Variants in TTN observed in about 807,000 individuals in gnomAD.
The protein encoded by TTN is connectin.
A neutral mutation model predicts 3,223.0 loss-of-function variants in TTN; 1,525 were observed. The observed-to-expected ratio is 0.47, with a 90% confidence interval of 0.45 to 0.49. TTN has a LOEUF of 0.49. TTN is among the 20% of genes least tolerant of loss of function. TTN has a pLI of 0.00. For missense variants in TTN, 40,786 were observed against 43,424.0 expected (o/e 0.94, Z 5.40); for synonymous variants, 14,094 against 15,161.0 (o/e 0.93, Z 5.17).
intron 20 of TTN, among the ~76,000 whole-genome samples, chr2:178,781,926 GT>G (rs2092803740): frequency 6.6e-6 from 1 of 151,876 alleles, no homozygotes; most frequent in Non-Finnish European, 1.5e-5. Context: ...GTGTGTGTGT[GT>G]GTGGGTGTGT....
Position 178,779,212 on chromosome 2 carries a change from A to G in TTN, c.3963+17T>C. On this transcript the variant is annotated intron_variant, in intron 23 of 362. Transcript: ENST00000589042. ...CTTTACTGTGGCAAGGAGCTATGAT[A>G]AATGTTTATATTTTACCTTTGGTAA... 6.2e-7 allele frequency: 1 copy of G among 1,613,162 alleles called. No homozygotes were observed. The highest frequency in any genetic ancestry group is 1.1e-5 in the South Asian group (1 of 91,066).
At chr2:178,586,465 A>C in intron 308 of TTN, 40 bp downstream of exon 308, 1 of 1,597,306 alleles carries the variant, frequency 6.3e-7, no homozygotes, top group Non-Finnish European at 8.5e-7. Context: ...AAATTCTAAT[A>C]AACTTACCAC....
At position 178,571,521 on chromosome 2, in the gene TTN, A is replaced by C. The variant is rs1277175098; in HGVS notation, c.74611T>G (p.Cys24871Gly). ...TATTCACATCCAGTCTTCAGTCTGC[A>C]AGCCTTTATTGTTGTCCTTGCAACT... ...ATVARTTIKA[C>G]RLKTGCEYQF... The change falls in exon 326 of 363, where the codon TGC becomes GGC. Residue 24871 changes from cysteine (C) to glycine (G), a missense_variant. Physicochemically the swap from Cys to Gly is radical, Grantham distance 159. Transcript: ENST00000589042. 1 of 1,613,250 alleles carries C rather than the reference A, an allele frequency of 6.2e-7. No individual in the cohort carries two copies. The highest frequency in any genetic ancestry group is 8.5e-7 in the Non-Finnish European group (1 of 1,179,576).
rs773648136 is a variant in TTN at position 178,734,751 on chromosome 2, T to C, written c.15173A>G (p.Asn5058Ser). The C allele has an allele frequency of 1.2e-6, 2 of 1,613,334 alleles. No homozygotes were observed. Among genetic ancestry groups the C allele is most frequent in the Non-Finnish European group, 1.7e-6 (2 of 1,179,376 alleles). ...ACTGCAGCTATCACTGCCGACGTCA[T>C]TCACTGCTTCACATGAGTAACTCCC... is the stretch of plus-strand genomic sequence containing the variant. ...DSGSYSCEAV[N>S]DVGSDSCSTE... The change falls in exon 51 of 363, where the codon AAT becomes AGT. Residue 5058 changes from asparagine to serine, a missense_variant. Physicochemically the swap from Asn to Ser is conservative, Grantham distance 46. Coordinates refer to ENST00000589042, the MANE Select transcript of TTN (RefSeq NM_001267550.2).
Position 178,741,318 on chromosome 2 carries a change from A to G in TTN, c.11915T>C (p.Phe3972Ser). Residue 3972 changes from phenylalanine (F) to serine (S), a missense_variant, in exon 48 of 363, where the codon TTC becomes TCC. Physicochemically the swap from Phe to Ser is radical, Grantham distance 155 (BLOSUM62 -2). Coordinates refer to ENST00000589042, the MANE Select transcript of TTN (RefSeq NM_001267550.2). ...GGTGCAAAGCTGCTTGTTTTCTTTG[A>G]ACCATGTAACAGTAGGGGCAGGCTC... is the stretch of plus-strand genomic sequence containing the variant. Reference protein sequence around the residue: ...VGEPAPTVTWFKENKQLCTSV... With the variant: ...VGEPAPTVTWSKENKQLCTSV... 6.2e-7 allele frequency: 1 copy of G among 1,613,878 alleles called. No individual in the cohort carries two copies. Among genetic ancestry groups the G allele is most frequent in the Non-Finnish European group, 8.5e-7 (1 of 1,179,828 alleles).
chr2:178,621,707 G>A lies in TTN; in HGVS notation c.45117C>T (p.Asn15039=), dbSNP rs758487494. ...EEAVFTKNLA[N]IEVSETDTIK... ...TAGTGTCTGTTTCACTAACTTCAAT[G>A]TTGGCAAGATTTTTGGTAAAGACAG... The change falls in exon 245 of 363, where the codon AAC becomes AAT. Residue 15039 remains asparagine, a synonymous_variant. Coordinates refer to ENST00000589042, the MANE Select transcript of TTN (RefSeq NM_001267550.2). 1 of 1,611,740 alleles carries A rather than the reference G, an allele frequency of 6.2e-7. No individual in the cohort carries two copies. Among genetic ancestry groups the A allele is most frequent in the East Asian group, 2.2e-5 (1 of 44,558 alleles).
Position 178,667,309 on chromosome 2 carries a change from T to C in TTN, c.35724A>G (p.Thr11908=), listed in dbSNP as rs780692080. Residue 11908 remains threonine (T), a synonymous_variant, in exon 162 of 363, where the codon ACA becomes ACG. Coordinates refer to ENST00000589042, the MANE Select transcript of TTN (RefSeq NM_001267550.2). ...RETPATKEPD[T]TRGIFPEVEP... is the part of the protein sequence containing the mutation. ...CCACCTCTGGAAAAATGCCTCTGGT[T>C]GTATCAGGTTCTTTAAAGATATTAG... is the stretch of plus-strand genomic sequence containing the variant. 1.2e-5 allele frequency: 20 copies of C among 1,601,946 alleles called. No individual in the cohort carries two copies. Among genetic ancestry groups the C allele is most frequent in the Non-Finnish European group, 1.5e-5 (18 of 1,174,194 alleles).
chr2:178,587,362 G>A lies in TTN; in HGVS notation c.63849C>T (p.Cys21283=), dbSNP rs773192720. ...TTTCAGGAGGGGCCCAGGACACATG[G>A]CATGATGTTTTAGTGACATCTGAAA... ...LKVSDVTKTS[C]HVSWAPPEND... The change falls in exon 307 of 363, where the codon TGC becomes TGT. Residue 21283 remains cysteine, a synonymous_variant. Coordinates refer to ENST00000589042, the MANE Select transcript of TTN (RefSeq NM_001267550.2). The A allele has an allele frequency of 6.2e-7, 1 of 1,612,196 alleles. No homozygotes were observed. The highest frequency in any genetic ancestry group is 1.1e-5 in the South Asian group (1 of 90,954).
Position 178,535,450 on chromosome 2 carries a change from G to C in TTN, c.101165C>G (p.Thr33722Ser). 1.2e-6 allele frequency: 2 copies of C among 1,613,882 alleles called. No individual in the cohort carries two copies. Among genetic ancestry groups the C allele is most frequent in the Admixed American group, 3.3e-5 (2 of 60,010 alleles). Residue 33722 changes from threonine to serine, a missense_variant, in exon 358 of 363, where the codon ACC becomes AGC. Physicochemically the swap from Thr to Ser is moderately conservative, Grantham distance 58 (BLOSUM62 1). Transcript: ENST00000589042. ...TGCACATTTTTCAACAATGTAGTTG[G>C]TGATTTTGCTGCCACCATCAGAGGC... Reference protein sequence around the residue: ...EPASDGGSKITNYIVEKCATT... With the variant: ...EPASDGGSKISNYIVEKCATT...
At chr2:178,759,905 A>T (rs2088582561) in intron 43 of TTN, among the ~76,000 whole-genome samples, 1 of 152,240 alleles carries the variant, frequency 6.6e-6, no homozygotes, top group Non-Finnish European at 1.5e-5. Flanking sequence ...TTAAAATAAT[A>T]GAAAGTAAAA....
rs879202597 is a variant in TTN, at chr2:178,537,498, A to G, written c.99709T>C (p.Leu33237=). 1.1e-5 allele frequency: 17 copies of G among 1,613,756 alleles called. No individual in the cohort carries two copies. The highest frequency in any genetic ancestry group is 1.4e-5 in the Non-Finnish European group (17 of 1,179,762). Residue 33237 remains leucine (L), a synonymous_variant, in exon 355 of 363, where the codon TTG becomes CTG. Transcript: ENST00000589042. ...ATAGTAATGTTTTCTGAGTTTTGCAAAAGTTTCTGACCATGGAACCAAGTC... is the reference window on the plus strand; with the variant it reads ...ATAGTAATGTTTTCTGAGTTTTGCAGAAGTTTCTGACCATGGAACCAAGTC... ...AMTWFHGQKL[L]QNSENITIEN...
In TTN at chr2:178,667,540, G is replaced by A. The variant is rs778875384; in HGVS notation, c.35630-15C>T. The A allele has an allele frequency of 7.6e-6, 12 of 1,588,700 alleles. No homozygotes were observed. In the East Asian group the frequency reaches 2.5e-4, roughly 33 times the overall value. On this transcript the variant is annotated splice_polypyrimidine_tract_variant and intron_variant, in intron 160 of 362. Coordinates refer to ENST00000589042, the MANE Select transcript of TTN (RefSeq NM_001267550.2). Reference sequence around the variant, plus strand: ...TGGCTCAGGCACTTAAAAGATATGAGTATAGTTATATTTATAAATGGTGAA... The same window carrying A: ...TGGCTCAGGCACTTAAAAGATATGAATATAGTTATATTTATAAATGGTGAA...
intron 258 of TTN, 78 bp from the exon 259 acceptor site, chr2:178,615,562 G>A: frequency 6.2e-7 from 1 of 1,608,934 alleles, no homozygotes; most frequent in Non-Finnish European, 8.5e-7. Flanking sequence ...CCCCTGCCTT[G>A]CCCCATAACT....
At chr2:178,690,432 C>T (rs2072091063) in intron 121 of TTN, among the ~76,000 whole-genome samples, 1 of 152,112 alleles carries the variant, frequency 6.6e-6, no homozygotes, top group African/African-American at 2.4e-5. Flanking sequence ...GTAGGTCTCT[C>T]AATCTGATAC....
intron 12 of TTN, among the ~76,000 whole-genome samples, chr2:178,789,730 AG>A (rs1403401825): frequency 1.3e-5 from 2 of 152,198 alleles, no homozygotes; most frequent in African/African-American, 4.8e-5. Flanking sequence ...TTAAAAATTA[AG>A]CTAAAAAATG....
At position 178,562,326 on chromosome 2, in the gene TTN, C is replaced by T. The variant is rs1703970661; in HGVS notation, c.83806G>A (p.Val27936Ile). 8 of 1,612,598 alleles carry T rather than the reference C, an allele frequency of 5.0e-6. No homozygotes were observed. The highest frequency in any genetic ancestry group is 6.8e-6 in the Non-Finnish European group (8 of 1,179,440). The change falls in exon 326 of 363, where the codon GTA becomes ATA. Residue 27936 changes from valine (V) to isoleucine (I), a missense_variant. Transcript: ENST00000589042. ...CTTCCCTTTTCGTTAACTGCAGCTA[C>T]CCTGAAGACATACTCTTCTCCTGCA... ...LTAGEEYVFRVAAVNEKGRSD... is the reference protein window; with the variant it reads ...LTAGEEYVFRIAAVNEKGRSD...
rs761187096 is a variant in TTN at position 178,675,907 on chromosome 2, CG to C, written c.34453+13del. 2 of 1,603,338 alleles carry C rather than the reference CG, an allele frequency of 1.2e-6. No individual in the cohort carries two copies. Among genetic ancestry groups the C allele is most frequent in the South Asian group, 1.1e-5 (1 of 89,044 alleles). On this transcript the variant is annotated intron_variant, in intron 148 of 362. Transcript: ENST00000589042. The stretch of plus-strand genomic sequence containing the variant: ...GGAAATGGCATAGTCTAATTTACTT[CG>C]GAATAGCAATACCTTTGGCAGGGGG...
At chr2:178,639,817 T>C (rs764465905) in intron 222 of TTN, 29 bp from the exon 223 acceptor site, 10 of 1,544,498 alleles carry the variant, frequency 6.5e-6, no homozygotes, top group African/African-American at 1.4e-5. Flanking sequence ...TGCATTAGTG[T>C]ATCAATTTGT....
intron 47 of TTN, chr2:178,748,141 A>G (rs2084203117): frequency 6.2e-7 from 1 of 1,613,114 alleles, no homozygotes; most frequent in Admixed American, 1.7e-5. Flanking sequence ...TTTCTAGAGG[A>G]CAACTTTTCT....
Sources: gnomAD v4.1 joint callset for allele counts (sites outside exome capture counted in the v4.1 genomes callset) on GRCh38, gnomAD v4.1.1 for gene constraint, MANE v1.5 for transcripts, NCBI Gene and HGNC (gene_info 2026-07-23, HGNC 2026-07-21) for gene names.